Variants in UNC13C observed in about 807,000 individuals in gnomAD.
UNC13C encodes unc-13 homolog C, also known as protein unc-13 homolog C.
In UNC13C, 174 loss-of-function variants were observed where a neutral mutation model predicts 245.4. The observed-to-expected ratio is 0.71, with a 90% CI of 0.63 to 0.80. The LOEUF is 0.80. UNC13C is among the 30% of genes least tolerant of loss of function. The probability of loss-of-function intolerance (pLI) is 0.00; values close to 1 mark genes in which losing one functional copy is unlikely to be tolerated. For missense variants in UNC13C, 2,829 were observed against 2,602.9 expected (o/e 1.09, Z -1.89); for synonymous variants, 992 against 895.1 (o/e 1.11, Z -1.93).
intron 2 of UNC13C, among the ~76,000 whole-genome samples, chr15:54,086,277 A>G (rs1357670130): frequency 1.3e-5 from 2 of 152,170 alleles, no homozygotes; most frequent in East Asian, 1.9e-4. Flanking sequence ...AGCCACTCCT[A>G]TATTTTGCAT....
At chr15:53,867,559 G>A in the UNC13C span, among the ~76,000 whole-genome samples, 2 of 152,094 alleles carry the variant, frequency 1.3e-5, no homozygotes, top group African/African-American at 4.8e-5. Context: ...TTCTTTTCTG[G>A]TGAGAAAAGA....
rs569432250 is a variant in UNC13C at position 54,453,228 on chromosome 15, G to A, written c.4933+38161G>A. On this transcript the variant is annotated intron_variant, in intron 19 of 32. Transcript: ENST00000260323. The stretch of plus-strand genomic sequence containing the variant: ...GGGGTCCATGGTGGGAATGTAGACT[G>A]CTAGGGATCACTCACTTACCCTTTT... Among the ~76,000 whole-genome samples, 6 of 152,282 alleles carry A rather than the reference G, an allele frequency of 3.9e-5. No individual in the cohort carries two copies. The East Asian group carries it at 1.2e-3, about 29-fold the overall frequency.
At chr15:54,522,493 C>A (rs1895265287) in intron 24 of UNC13C, among the ~76,000 whole-genome samples, 1 of 149,836 alleles carries the variant, frequency 6.7e-6, no homozygotes, top group East Asian at 1.9e-4. Flanking sequence ...CAAAACAAAA[C>A]AACAACAACA....
chr15:54,065,446 A>G (rs937939879), intron 2 of UNC13C, among the ~76,000 whole-genome samples: 1 of 152,230 alleles, frequency 6.6e-6, no homozygotes, highest in Admixed American at 6.5e-5. Context: ...TGCTAAGGTG[A>G]CACAGAATAT....
chr15:53,977,257 A>T (rs1050664746), upstream of UNC13C, among the ~76,000 whole-genome samples: 1 of 152,186 alleles, frequency 6.6e-6, no homozygotes, highest in Non-Finnish European at 1.5e-5. Context: ...ACATTTGGGG[A>T]CACTTTTTTA....
At chr15:54,293,433 AT>A (rs1224777118) in intron 10 of UNC13C, among the ~76,000 whole-genome samples, 1 of 151,898 alleles carries the variant, frequency 6.6e-6, no homozygotes, top group Non-Finnish European at 1.5e-5. Context: ...GCTTACTGGG[AT>A]TTTTAGTTTT....
At chr15:54,407,457 A>C (rs2040319288) in intron 18 of UNC13C, among the ~76,000 whole-genome samples, 1 of 152,214 alleles carries the variant, frequency 6.6e-6, no homozygotes, top group Non-Finnish European at 1.5e-5. Flanking sequence ...AGAAAGAGTA[A>C]GAAAAGTTCT....
the UNC13C span, among the ~76,000 whole-genome samples, chr15:53,916,168 C>T: frequency 2.0e-5 from 3 of 152,072 alleles, no homozygotes; most frequent in Non-Finnish European, 4.4e-5. Flanking sequence ...AGCTTGGATC[C>T]CACAATTGCC....
At chr15:54,208,908 A>C (rs553514628) in intron 4 of UNC13C, among the ~76,000 whole-genome samples, 1 of 152,234 alleles carries the variant, frequency 6.6e-6, no homozygotes, top group East Asian at 1.9e-4. Context: ...GCAAGCCAAA[A>C]TGACGCAAGA....
intron 11 of UNC13C, among the ~76,000 whole-genome samples, chr15:54,295,052 G>A (rs1442048708): frequency 6.6e-6 from 1 of 152,076 alleles, no homozygotes; most frequent in Non-Finnish European, 1.5e-5. Flanking sequence ...ACTATCTTAA[G>A]AAATCTTCCT....
intron 2 of UNC13C, among the ~76,000 whole-genome samples, chr15:54,137,140 G>C (rs1351945575): frequency 6.6e-6 from 1 of 152,168 alleles, no homozygotes; most frequent in Non-Finnish European, 1.5e-5. Context: ...GCACTCAGCC[G>C]TGTATGCCAT....
chr15:53,996,359 T>A (rs1389674588), intron 1 of UNC13C, among the ~76,000 whole-genome samples: 1 of 152,204 alleles, frequency 6.6e-6, no homozygotes, highest in Non-Finnish European at 1.5e-5. Context: ...GCCTGGTCTT[T>A]GCGGTAAAGA....
At chr15:54,495,641 C>G (rs901880640) in intron 20 of UNC13C, among the ~76,000 whole-genome samples, 1 of 151,712 alleles carries the variant, frequency 6.6e-6, no homozygotes, top group Non-Finnish European at 1.5e-5. Context: ...AGGCATATTT[C>G]CATTTTTATA....
At chr15:54,046,360 A>G (rs915940779) in intron 2 of UNC13C, among the ~76,000 whole-genome samples, 2 of 152,168 alleles carry the variant, frequency 1.3e-5, no homozygotes, top group African/African-American at 4.8e-5. Context: ...TTAGTAATAT[A>G]TGAGTATGCT....
intron 1 of UNC13C, among the ~76,000 whole-genome samples, chr15:54,007,593 C>T (rs1400558419): frequency 6.6e-6 from 1 of 152,124 alleles, no homozygotes; most frequent in Non-Finnish European, 1.5e-5. Flanking sequence ...GGGAACAGCA[C>T]ACACTGGAAC....
the UNC13C span, among the ~76,000 whole-genome samples, chr15:53,857,228 T>C: frequency 6.6e-5 from 10 of 152,304 alleles, no homozygotes; most frequent in East Asian, 1.9e-3. Flanking sequence ...GCTGTCTGAT[T>C]CGTGGATCTT....
At chr15:54,598,116 T>G (rs1464958479) in intron 30 of UNC13C, among the ~76,000 whole-genome samples, 1 of 152,204 alleles carries the variant, frequency 6.6e-6, no homozygotes, top group African/African-American at 2.4e-5. Context: ...TTATTTTGTT[T>G]TTGAGATGGA....
intron 3 of UNC13C, 50 bp downstream of exon 3, chr15:54,143,090 CAT>C (rs755824767): frequency 3.2e-6 from 5 of 1,546,744 alleles, no homozygotes; most frequent in East Asian, 4.5e-5. Flanking sequence ...GTCTTTTGTA[CAT>C]GTTTGTTTGT....
At chr15:54,419,235 A>G (rs963598176) in intron 19 of UNC13C, among the ~76,000 whole-genome samples, 4 of 152,172 alleles carry the variant, frequency 2.6e-5, no homozygotes. Context: ...GATAGAGATG[A>G]ATACATCAGA....
Sources: gnomAD v4.1 joint callset for allele counts (sites outside exome capture counted in the v4.1 genomes callset) on GRCh38, gnomAD v4.1.1 for gene constraint, MANE v1.5 for transcripts, NCBI Gene and HGNC (gene_info 2026-07-23, HGNC 2026-07-21) for gene names.